Variants in VWCE observed in about 807,000 individuals in gnomAD.
The protein encoded by VWCE is von Willebrand factor C and EGF domain-containing protein.
A neutral mutation model predicts 102.9 loss-of-function variants in VWCE; 68 were observed. The observed-to-expected ratio is 0.66, with a 90% CI of 0.54 to 0.81. The LOEUF (loss-of-function observed/expected upper bound fraction) is 0.81. Ranked by LOEUF, VWCE falls within the 30% of genes least tolerant of loss-of-function variation. The pLI is 0.00. For synonymous variants in VWCE, 497 were observed against 515.4 expected, an observed-to-expected ratio of 0.96 and a Z score of 0.48; for missense variants, 1,137 against 1,263.6, an observed-to-expected ratio of 0.90 and a Z score of 1.52.
Position 61,290,901 on chromosome 11 carries a change from C to T in VWCE, c.322G>A (p.Gly108Ser), listed in dbSNP as rs146750087. ...PETHGPCGEYGCDLTCNHGGC... is the reference protein window; with the variant it reads ...PETHGPCGEYSCDLTCNHGGC... ...CCATGGTTGCAGGTAAGGTCACAGC[C>T]GTACTCCCCACATGGTCCATGGGTT... The change falls in exon 4 of 20, where the codon GGC (glycine) becomes AGC (serine). Residue 108 changes from glycine to serine, a missense_variant. Gly to Ser is a moderately conservative substitution (Grantham distance 56). Transcript: ENST00000335613. The T allele has an allele frequency of 4.8e-5, 78 of 1,613,904 alleles. No homozygotes were observed. The African/African-American group carries it at 5.2e-4, about 11-fold the overall frequency.
chr11:61,288,670 A>G (rs1258384149), intron 4 of VWCE, among the ~76,000 whole-genome samples: 3 of 152,170 alleles, frequency 2.0e-5, no homozygotes, highest in African/African-American at 7.2e-5. Context: ...AAATGTCCCA[A>G]GGTGAAAGGC....
At chr11:61,285,690 C>T (rs1337419121) in intron 5 of VWCE, among the ~76,000 whole-genome samples, 1 of 152,218 alleles carries the variant, frequency 6.6e-6, no homozygotes. Flanking sequence ...GGTCGGCCCA[C>T]TCTGCCCTGG....
intron 16 of VWCE, 65 bp downstream of exon 16, chr11:61,267,397 T>C (rs1473924682): frequency 1.3e-6 from 2 of 1,526,576 alleles, no homozygotes; most frequent in Non-Finnish European, 1.8e-6. Flanking sequence ...CCTCTGGGAT[T>C]CAGGAGCCGA....
intron 18 of VWCE, 151 bp from the exon 19 acceptor site, chr11:61,264,728 G>A (rs1472283967): frequency 1.4e-5 from 14 of 974,570 alleles, no homozygotes; most frequent in African/African-American, 1.6e-5. Context: ...TGGAGAACAG[G>A]TAAAGCCAGC....
At chr11:61,267,238 C>T (rs1469900835) in intron 16 of VWCE, among the ~76,000 whole-genome samples, 2 of 152,084 alleles carry the variant, frequency 1.3e-5, no homozygotes, top group African/African-American at 4.8e-5. Context: ...AACCTGGGAG[C>T]CTGGGTGACA....
At chr11:61,287,767 C>T (rs926613869) in intron 4 of VWCE, among the ~76,000 whole-genome samples, 1 of 152,180 alleles carries the variant, frequency 6.6e-6, no homozygotes, top group African/African-American at 2.4e-5. Context: ...TTCCAGGCAG[C>T]AGCTGGGCTC....
At chr11:61,287,898 G>A (rs1017186764) in intron 4 of VWCE, among the ~76,000 whole-genome samples, 22 of 152,096 alleles carry the variant, frequency 1.4e-4, no homozygotes, top group African/African-American at 5.3e-4. Context: ...GCTCACGCCT[G>A]TAATCCCAGC....
At chr11:61,264,888 G>T in intron 18 of VWCE, 68 bp downstream of exon 18, 2 of 1,544,084 alleles carry the variant, frequency 1.3e-6, no homozygotes, top group Non-Finnish European at 1.8e-6. Flanking sequence ...TCCATGTTTT[G>T]CAAAGGGACA....
At chr11:61,270,264 G>C (rs1854645268) in intron 14 of VWCE, among the ~76,000 whole-genome samples, 1 of 152,176 alleles carries the variant, frequency 6.6e-6, no homozygotes, top group Non-Finnish European at 1.5e-5. Flanking sequence ...GCACTAGAAG[G>C]CTGGGCTTCT....
chr11:61,275,722 G>A (rs950939223), intron 11 of VWCE, among the ~76,000 whole-genome samples: 2 of 152,144 alleles, frequency 1.3e-5, no homozygotes, highest in South Asian at 2.1e-4. Flanking sequence ...TCTGGTAAGC[G>A]CCCCACACAG....
rs1426959955 is a variant in VWCE at position 61,291,246 on chromosome 11, C to G, written c.295+18G>C. ...CTCATTCATCTGTTCCCATCAGCCC[C>G]TTCCCATCCCCAGTTACCTGGGCAG... On this transcript the variant is annotated intron_variant, in intron 3 of 19. Coordinates refer to ENST00000335613, the MANE Select transcript of VWCE (RefSeq NM_152718.2). 11 of 1,558,772 alleles carry G rather than the reference C, an allele frequency of 7.1e-6. No homozygotes were observed. The highest frequency in any genetic ancestry group is 5.0e-5 in the South Asian group (4 of 80,610).
intron 13 of VWCE, among the ~76,000 whole-genome samples, chr11:61,272,011 C>T (rs1854724173): frequency 6.6e-6 from 1 of 152,188 alleles, no homozygotes; most frequent in Admixed American, 6.5e-5. Context: ...GAGACATACA[C>T]ATACCGATAC....
chr11:61,268,280 G>T (rs796583323), intron 15 of VWCE, among the ~76,000 whole-genome samples: 24 of 152,226 alleles, frequency 1.6e-4, no homozygotes, highest in African/African-American at 5.5e-4. Context: ...GGAGCTGGGT[G>T]CATTGGCTCA....
At chr11:61,292,512 A>C (rs1855537037) in intron 1 of VWCE, among the ~76,000 whole-genome samples, 1 of 152,092 alleles carries the variant, frequency 6.6e-6, no homozygotes, top group Non-Finnish European at 1.5e-5. Flanking sequence ...ATGGCTGTTG[A>C]GGGAAAGGTT....
rs778566594 is a variant in VWCE, at chr11:61,294,561, C to T, written c.110+367G>A. ...GCGGCAGGGGAGGCCAGGCGCTGCC[C>T]GGGCAGAGCCACGGGCACGCTGGGG... On this transcript the variant is annotated intron_variant, in intron 1 of 19. Coordinates refer to ENST00000335613, the MANE Select transcript of VWCE (RefSeq NM_152718.2). This position sits in a 1 kb window ranked among gnomAD's most constrained non-coding sequence, Gnocchi z 6.3. Among the ~76,000 whole-genome samples, 7 of 152,146 alleles carry T rather than the reference C, an allele frequency of 4.6e-5. No individual in the cohort carries two copies. The highest frequency in any genetic ancestry group is 1.3e-4 in the Admixed American group (2 of 15,282).
At chr11:61,262,965 C>A (rs1466879254) in intron 19 of VWCE, among the ~76,000 whole-genome samples, 1 of 152,198 alleles carries the variant, frequency 6.6e-6, no homozygotes, top group African/African-American at 2.4e-5. Flanking sequence ...AATAGTACTT[C>A]ATTGTGTGCA....
rs1855314636 is a variant in VWCE, at chr11:61,286,220, CAG to C, written c.541+92_541+93del. The C allele has an allele frequency of 3.3e-6, 4 of 1,200,140 alleles. No individual in the cohort carries two copies. The African/African-American group carries it at 4.5e-5, about 13-fold the overall frequency. 74.3% of individuals were successfully genotyped at this position (1,200,140 alleles called of 1,614,324 possible). Reference sequence around the variant, plus strand: ...GGTGAAGGTTCAATGCAGTGGCACACAGAGCACACTGCACTGGGCATGGCAGG... The same window carrying C: ...GGTGAAGGTTCAATGCAGTGGCACACAGCACACTGCACTGGGCATGGCAGG... On this transcript the variant is annotated intron_variant, in intron 5 of 19. Transcript: ENST00000335613.
rs1195079087 is a variant in VWCE, at chr11:61,259,008, T to A, written c.2535A>T (p.Ser845=). Residue 845 remains serine (S), a synonymous_variant, in exon 20 of 20, where the codon TCA becomes TCT. Transcript: ENST00000335613. ...PGEPGASPRL[S]PGPSTPPGAP... is the part of the protein sequence containing the mutation. ...CTCCTGGAGGGGTCGAAGGCCCTGG[T>A]GAGAGTCGAGGGGAGGCCCCAGGCT... 1 of 1,613,238 alleles carries A rather than the reference T, an allele frequency of 6.2e-7. No homozygotes were observed.
Position 61,286,332 on chromosome 11 carries a change from C to T in VWCE, c.523G>A (p.Asp175Asn), listed in dbSNP as rs938469216. The T allele has an allele frequency of 1.2e-6, 2 of 1,609,336 alleles. No individual in the cohort carries two copies. Among genetic ancestry groups the T allele is most frequent in the Non-Finnish European group, 1.7e-6 (2 of 1,179,992 alleles). ...AGCTCACCTTGGCAGCTGTGGCGGT[C>T]GGCAGACAGCTGCATGCCCGGCCCA... ...ECGPGMQLSA[D>N]RHSCQDTDEC... Residue 175 changes from aspartate to asparagine, a missense_variant, in exon 5 of 20, where the codon GAC becomes AAC. Asp to Asn is a conservative substitution (Grantham distance 23). Around this residue, in one of 5 missense-constraint regions of VWCE, gnomAD observed 575 missense variants for 625.9 expected, o/e 0.92. Transcript: ENST00000335613.
Sources: gnomAD v4.1 joint callset for allele counts (sites outside exome capture counted in the v4.1 genomes callset) on GRCh38, gnomAD v4.1.1 for gene constraint, gnomAD v4.1.1 regional missense constraint, Gnocchi (gnomAD v3.1) non-coding constraint, MANE v1.5 for transcripts, NCBI Gene and HGNC (gene_info 2026-07-23, HGNC 2026-07-21) for gene names.